The following FAM13A variants were observed in gnomAD, a reference collection of about 807,000 sequenced individuals.
The protein encoded by FAM13A is family with sequence similarity 13 member A.
A neutral mutation model predicts 129.6 loss-of-function variants in FAM13A; 76 were observed. The ratio of observed to expected loss-of-function variants is 0.59; its 90% CI spans 0.49 to 0.71. The LOEUF (loss-of-function observed/expected upper bound fraction) is 0.71, where lower values mean the gene tolerates loss of function less well. Among genes scored for constraint, FAM13A ranks in the 30% least tolerant of loss-of-function variants. FAM13A has a pLI of 0.00. For synonymous variants in FAM13A, 443 were observed against 449.9 expected (o/e 0.98, Z 0.20); for missense variants, 1,108 against 1,249.3 (o/e 0.89, Z 1.70).
intron 6 of FAM13A, among the ~76,000 whole-genome samples, chr4:88,885,281 C>T (rs969217814): frequency 6.6e-6 from 1 of 152,082 alleles, no homozygotes; most frequent in African/African-American, 2.4e-5. Context: ...GCCATAGTCA[C>T]CAAAACAGCA....
At chr4:89,050,501 T>C (rs1178558992) in intron 1 of FAM13A, among the ~76,000 whole-genome samples, 1 of 152,054 alleles carries the variant, frequency 6.6e-6, no homozygotes, top group East Asian at 1.9e-4. Context: ...CCACTGTGCC[T>C]GGACAAAACT....
chr4:88,904,901 A>G (rs1297374441), intron 6 of FAM13A, among the ~76,000 whole-genome samples: 1 of 152,182 alleles, frequency 6.6e-6, no homozygotes, highest in Admixed American at 6.5e-5. Context: ...CATATCTATA[A>G]TAGTTTTTAT....
intron 13 of FAM13A, among the ~76,000 whole-genome samples, chr4:88,766,372 A>G (rs1380240811): frequency 1.3e-5 from 2 of 152,136 alleles, no homozygotes; most frequent in African/African-American, 4.8e-5. Flanking sequence ...AGGAGGCAAA[A>G]ATGAGTTGGA....
intron 7 of FAM13A, among the ~76,000 whole-genome samples, chr4:88,818,610 T>C (rs1401771485): frequency 2.0e-5 from 3 of 152,196 alleles, no homozygotes; most frequent in Non-Finnish European, 2.9e-5. Context: ...AACCATCATG[T>C]GAGAACAGAG....
intron 8 of FAM13A, among the ~76,000 whole-genome samples, chr4:88,799,709 T>C (rs1283058181): frequency 6.6e-6 from 1 of 152,214 alleles, no homozygotes; most frequent in East Asian, 1.9e-4. Context: ...GGTCTCGATC[T>C]CCTGACCTTG....
In FAM13A at chr4:88,727,272, A is replaced by T. The variant is rs1460115335; in HGVS notation, c.*1261T>A. 6.6e-6 allele frequency: 1 copy of T among 152,660 alleles called. No individual in the cohort carries two copies. Among genetic ancestry groups the T allele is most frequent in the Non-Finnish European group, 1.5e-5 (1 of 68,058 alleles). The allele number at this position is 152,660 out of a possible 1,614,324, so 9.5% of individuals were successfully genotyped here. On this transcript the variant is annotated 3_prime_UTR_variant, in exon 24 of 24. Transcript: ENST00000264344. Reference sequence around the variant, plus strand: ...ACCCACTGTCCTTGGCGCAGGAGTTAAAAAAGTAACAGCAAATCATGAGGT... The same window carrying T: ...ACCCACTGTCCTTGGCGCAGGAGTTTAAAAAGTAACAGCAAATCATGAGGT...
intron 7 of FAM13A, among the ~76,000 whole-genome samples, chr4:88,816,017 T>C (rs1349095332): frequency 1.3e-5 from 2 of 152,036 alleles, no homozygotes; most frequent in Non-Finnish European, 2.9e-5. Flanking sequence ...AATTCAACTT[T>C]TTTGAATAAA....
chr4:88,852,551 C>T (rs911672032), intron 6 of FAM13A, among the ~76,000 whole-genome samples: 3 of 152,174 alleles, frequency 2.0e-5, no homozygotes, highest in African/African-American at 7.2e-5. Context: ...TTGCCTGATA[C>T]TTTAATCTAA....
chr4:88,859,780 G>A (rs558409608), intron 6 of FAM13A, among the ~76,000 whole-genome samples: 1 of 152,210 alleles, frequency 6.6e-6, no homozygotes, highest in East Asian at 1.9e-4. Flanking sequence ...TGTTTTTAGA[G>A]GGGGCTGGGA....
intron 11 of FAM13A, among the ~76,000 whole-genome samples, chr4:88,776,847 G>A (rs1407433194): frequency 4.6e-5 from 7 of 151,986 alleles, no homozygotes; most frequent in East Asian, 1.9e-4. Context: ...AGTGGTGTGC[G>A]CCTGTAAACC....
intron 5 of FAM13A, among the ~76,000 whole-genome samples, chr4:88,918,795 C>G (rs1240906182): frequency 6.6e-6 from 1 of 152,214 alleles, no homozygotes; most frequent in Non-Finnish European, 1.5e-5. Flanking sequence ...ATTTCCTCAT[C>G]TTCTCCCTCT....
At chr4:88,861,073 C>G (rs1206952855) in intron 6 of FAM13A, among the ~76,000 whole-genome samples, 1 of 152,134 alleles carries the variant, frequency 6.6e-6, no homozygotes, top group African/African-American at 2.4e-5. Context: ...TGAGGCTCAG[C>G]TGCCTCATCT....
intron 4 of FAM13A, among the ~76,000 whole-genome samples, chr4:88,939,742 G>T (rs150528897): frequency 2.0e-5 from 3 of 152,038 alleles, no homozygotes; most frequent in African/African-American, 4.8e-5. Flanking sequence ...TTCTCCCATC[G>T]GCCTTAAAGA....
intron 7 of FAM13A, among the ~76,000 whole-genome samples, chr4:88,806,371 T>A (rs978633587): frequency 1.3e-5 from 2 of 152,152 alleles, no homozygotes; most frequent in African/African-American, 4.8e-5. Flanking sequence ...CTCTCTCTTT[T>A]TGCTTATTTT....
At chr4:88,854,218 T>G (rs989200178) in intron 6 of FAM13A, among the ~76,000 whole-genome samples, 3 of 152,190 alleles carry the variant, frequency 2.0e-5, no homozygotes, top group African/African-American at 7.2e-5. Context: ...AAACATATTC[T>G]AATCGAGGGG....
intron 10 of FAM13A, among the ~76,000 whole-genome samples, chr4:88,784,708 T>A (rs2149639838): frequency 6.6e-6 from 1 of 152,322 alleles, no homozygotes; most frequent in East Asian, 1.9e-4. Flanking sequence ...TTTAGAAGAT[T>A]GAAAATCATT....
intron 1 of FAM13A, among the ~76,000 whole-genome samples, chr4:89,049,650 T>C (rs1341874258): frequency 1.3e-5 from 2 of 152,190 alleles, no homozygotes; most frequent in East Asian, 3.8e-4. Flanking sequence ...CTGAGTTCTA[T>C]TGTATTACTA....
At chr4:88,805,349 T>C (rs1317554413) in intron 7 of FAM13A, among the ~76,000 whole-genome samples, 1 of 152,196 alleles carries the variant, frequency 6.6e-6, no homozygotes, top group African/African-American at 2.4e-5. Context: ...CAAGTATTCG[T>C]ATATTACACA....
At chr4:88,827,809 C>G (rs1733266415) in intron 7 of FAM13A, among the ~76,000 whole-genome samples, 1 of 152,174 alleles carries the variant, frequency 6.6e-6, no homozygotes, top group Admixed American at 6.5e-5. Flanking sequence ...AACATCCTAC[C>G]ATGCTTGCGA....
Sources: allele counts gnomAD v4.1 joint callset (sites outside exome capture counted in the v4.1 genomes callset), GRCh38; gene constraint gnomAD v4.1.1; transcripts MANE v1.5; gene names NCBI Gene and HGNC (gene_info 2026-07-23, HGNC 2026-07-21).